TTC17: variants seen among roughly 807,000 people sequenced by gnomAD.
TTC17 encodes tetratricopeptide repeat domain 17, also known as tetratricopeptide repeat protein 17.
Under a neutral mutation model 143.8 loss-of-function variants are expected in TTC17, and 58 were observed. That is an observed-to-expected ratio of 0.40 (90% CI 0.33 to 0.50). TTC17 has a LOEUF of 0.50. Ranked by LOEUF, TTC17 falls within the 20% of genes least tolerant of loss-of-function variation. The pLI is 0.49. For synonymous variants in TTC17, 501 were observed against 497.8 expected (o/e 1.01, Z -0.09); for missense variants, 1,273 against 1,392.5 (o/e 0.91, Z 1.37).
intron 2 of TTC17, among the ~76,000 whole-genome samples, chr11:43,388,941 A>G (rs1857274182): frequency 6.6e-6 from 1 of 151,238 alleles, no homozygotes; most frequent in Admixed American, 6.6e-5. Flanking sequence ...GCACTACTGC[A>G]CTCAGCCTGA....
chr11:43,419,061 A>G (rs575714365), intron 16 of TTC17, among the ~76,000 whole-genome samples: 1 of 152,202 alleles, frequency 6.6e-6, no homozygotes, highest in African/African-American at 2.4e-5. Flanking sequence ...ACAAACAGCA[A>G]CTTCGCTGTT....
rs1362995305 is a variant in TTC17 at position 43,494,801 on chromosome 11, G to A, written c.*897G>A. Reference sequence around the variant, plus strand: ...CCTCCAGACTTAGCTCCTCAGGAGGGTAATGAGCCAAGGTTGAGTGTTTCC... The same window carrying A: ...CCTCCAGACTTAGCTCCTCAGGAGGATAATGAGCCAAGGTTGAGTGTTTCC... On this transcript the variant is annotated 3_prime_UTR_variant, in exon 24 of 24. Transcript: ENST00000039989. 1 of 152,154 alleles carries A rather than the reference G, an allele frequency of 6.6e-6. No homozygotes were observed. Among genetic ancestry groups the A allele is most frequent in the East Asian group, 1.9e-4 (1 of 5,200 alleles). 9.4% of individuals were successfully genotyped at this position (152,154 alleles called of 1,614,324 possible).
intron 1 of TTC17, chr11:43,359,373 G>T (rs1247952575): frequency 2.3e-6 from 1 of 439,246 alleles, no homozygotes; most frequent in Non-Finnish European, 4.0e-6. Context: ...GGGAAGAGTC[G>T]CCCAGCTGCG....
intron 2 of TTC17, among the ~76,000 whole-genome samples, chr11:43,383,746 A>AT (rs1445743887): frequency 2.6e-5 from 4 of 152,050 alleles, no homozygotes; most frequent in Non-Finnish European, 5.9e-5. Flanking sequence ...AGGAATTACT[A>AT]TTTTTTACAT....
At chr11:43,371,882 CAAAAG>C (rs1856580693) in intron 1 of TTC17, among the ~76,000 whole-genome samples, 1 of 152,112 alleles carries the variant, frequency 6.6e-6, no homozygotes. Context: ...ATCACATACA[CAAAAG>C]AAATACATAT....
At chr11:43,406,882 A>T (rs1200382824) in intron 13 of TTC17, among the ~76,000 whole-genome samples, 1 of 152,164 alleles carries the variant, frequency 6.6e-6, no homozygotes, top group African/African-American at 2.4e-5. Context: ...GCTGACTTTA[A>T]TGGGGTATGG....
At chr11:43,448,167 A>G in intron 19 of TTC17, 45 bp downstream of exon 19, 2 of 1,607,376 alleles carry the variant, frequency 1.2e-6, no homozygotes, top group East Asian at 2.2e-5. Flanking sequence ...TTTGAGTCCC[A>G]TTGAACCCAG....
chr11:43,382,391 C>A (rs980594002), intron 2 of TTC17, among the ~76,000 whole-genome samples: 1 of 151,934 alleles, frequency 6.6e-6, no homozygotes, highest in African/African-American at 2.4e-5. Flanking sequence ...ACTTATTGGG[C>A]TCTCTAAGGT....
intron 15 of TTC17, among the ~76,000 whole-genome samples, chr11:43,410,696 C>G (rs1858369508): frequency 6.6e-6 from 1 of 152,202 alleles, no homozygotes; most frequent in African/African-American, 2.4e-5. Context: ...ACTTAGATGT[C>G]TAAAGGGCGC....
At chr11:43,454,423 G>T (rs1248876620) in intron 21 of TTC17, among the ~76,000 whole-genome samples, 1 of 151,992 alleles carries the variant, frequency 6.6e-6, no homozygotes, top group East Asian at 1.9e-4. Flanking sequence ...AGACAATATA[G>T]TAAAAGAATA....
chr11:43,448,228 A>G (rs1051540579), intron 19 of TTC17, 106 bp downstream of exon 19: 1 of 1,472,954 alleles, frequency 6.8e-7, no homozygotes, highest in Admixed American at 2.2e-5. Flanking sequence ...TATCCTTTCT[A>G]GAGCTGAATT....
chr11:43,399,027 G>A (rs888098263), intron 8 of TTC17, among the ~76,000 whole-genome samples: 4 of 152,134 alleles, frequency 2.6e-5, no homozygotes, highest in Non-Finnish European at 4.4e-5. Context: ...TGTGTAATAG[G>A]CAGTATGGGT....
chr11:43,383,850 A>C (rs1317482879), intron 2 of TTC17, among the ~76,000 whole-genome samples: 1 of 152,166 alleles, frequency 6.6e-6, no homozygotes, highest in Non-Finnish European at 1.5e-5. Context: ...AAAACAAAAA[A>C]AAATAGGGGC....
chr11:43,360,170 T>C (rs1856039903), intron 1 of TTC17, among the ~76,000 whole-genome samples: 1 of 152,244 alleles, frequency 6.6e-6, no homozygotes, highest in Non-Finnish European at 1.5e-5. Flanking sequence ...AGGTGAGGTT[T>C]AGATTTAGAT....
At chr11:43,483,843 TC>T (rs1468343274) in intron 21 of TTC17, among the ~76,000 whole-genome samples, 1 of 152,124 alleles carries the variant, frequency 6.6e-6, no homozygotes, top group African/African-American at 2.4e-5. Context: ...GTATAGTAAA[TC>T]AATAAAAAGA....
intron 15 of TTC17, among the ~76,000 whole-genome samples, 173 bp downstream of exon 15, chr11:43,407,750 T>C (rs866239491): frequency 2.1e-4 from 32 of 152,204 alleles, no homozygotes; most frequent in South Asian, 4.1e-4. Flanking sequence ...TTTTGATGTG[T>C]TCTTTAAATT....
chr11:43,378,444 A>G (rs558223136), intron 1 of TTC17, among the ~76,000 whole-genome samples: 1 of 152,286 alleles, frequency 6.6e-6, no homozygotes, highest in African/African-American at 2.4e-5. Context: ...TCCATTGGAC[A>G]GTGGGTCTCT....
chr11:43,478,769 C>T (rs1206061796), intron 21 of TTC17, among the ~76,000 whole-genome samples: 2 of 152,114 alleles, frequency 1.3e-5, no homozygotes, highest in Non-Finnish European at 2.9e-5. Flanking sequence ...GTTAGGACGA[C>T]AGGCACGGAC....
At chr11:43,361,978 CTTTTT>C (rs35924919) in intron 1 of TTC17, among the ~76,000 whole-genome samples, 1 of 134,990 alleles carries the variant, frequency 7.4e-6, no homozygotes, top group Non-Finnish European at 1.6e-5. Context: ...ATCATTATAA[CTTTTT>C]TTTTTTTTTT....
Sources: allele counts gnomAD v4.1 joint callset (sites outside exome capture counted in the v4.1 genomes callset), GRCh38; gene constraint gnomAD v4.1.1; transcripts MANE v1.5; gene names NCBI Gene and HGNC (gene_info 2026-07-23, HGNC 2026-07-21).